The following FHAD1 variants were observed in gnomAD, a reference collection of about 807,000 sequenced individuals.
The protein encoded by FHAD1 is forkhead associated phosphopeptide binding domain 1.
In FHAD1, 146 loss-of-function variants were observed where a neutral mutation model predicts 191.3. That is an observed-to-expected ratio of 0.76 (90% confidence interval 0.67 to 0.88). The LOEUF (loss-of-function observed/expected upper bound fraction) is 0.88, where lower values mean the gene tolerates loss of function less well. FHAD1 is among the 40% of genes least tolerant of loss of function. The pLI is 0.00. For synonymous variants in FHAD1, 616 were observed against 672.3 expected, an observed-to-expected ratio of 0.92 and a Z score of 1.29; for missense variants, 1,635 against 1,785.8, an observed-to-expected ratio of 0.92 and a Z score of 1.52.
intron 18 of FHAD1, among the ~76,000 whole-genome samples, chr1:15,346,556 C>T (rs1248925229): frequency 6.6e-6 from 1 of 152,212 alleles, no homozygotes; most frequent in African/African-American, 2.4e-5. Flanking sequence ...CACTGTTCTC[C>T]AGCCACGGTA....
chr1:15,376,866 T>G (rs929888428), intron 28 of FHAD1, among the ~76,000 whole-genome samples: 1 of 152,028 alleles, frequency 6.6e-6, no homozygotes, highest in African/African-American at 2.4e-5. Flanking sequence ...CGAGACCCCA[T>G]CTCTACAAAA....
At chr1:15,293,666 T>C (rs139517900) in intron 4 of FHAD1, among the ~76,000 whole-genome samples, 2,068 of 152,160 alleles carry the variant, frequency 0.014, 13 homozygotes, top group African/African-American at 0.021. Context: ...TGCAGTGAGC[T>C]GAGATTGTGC....
chr1:15,386,889 GT>G (rs1423375413), intron 31 of FHAD1, among the ~76,000 whole-genome samples: 1 of 146,774 alleles, frequency 6.8e-6, no homozygotes, highest in African/African-American at 2.6e-5. Flanking sequence ...TTGAGACAGA[GT>G]TTCGCTCTGT....
chr1:15,328,257 C>CT lies in FHAD1; in HGVS notation c.1558-15dup. 3 of 1,169,128 alleles carry CT rather than the reference C, an allele frequency of 2.6e-6. No homozygotes were observed. Among genetic ancestry groups the CT allele is most frequent in the Admixed American group, 8.0e-5 (2 of 25,064 alleles). The allele number at this position is 1,169,128 out of a possible 1,614,324, so 72.4% of individuals were successfully genotyped here. On this transcript the variant is annotated intron_variant, in intron 12 of 33. Coordinates refer to ENST00000688493, the MANE Select transcript of FHAD1 (RefSeq NM_001391957.1). The stretch of plus-strand genomic sequence containing the variant: ...ATGTTACATCTTTTTTTTTTTTTTC[C>CT]TTTTTCTTTTTCTCACCAGTTAATA...
chr1:15,310,369 T>C lies in FHAD1; in HGVS notation c.1039+1633T>C, dbSNP rs71631716. 9.5e-3 allele frequency among the ~76,000 whole-genome samples: 1,444 copies of C among 152,332 alleles called. 9 individuals are homozygous for C. The highest frequency in any genetic ancestry group is 0.015 in the African/African-American group (614 of 41,578). On this transcript the variant is annotated intron_variant, in intron 7 of 33. Coordinates refer to ENST00000688493, the MANE Select transcript of FHAD1 (RefSeq NM_001391957.1). The stretch of plus-strand genomic sequence containing the variant: ...TTCCCTAACATGGAATGTTCTTGGA[T>C]ACTTGTGAGCCCTATGGGCAGGGCT...
upstream of FHAD1, among the ~76,000 whole-genome samples, chr1:15,246,685 G>A (rs1397131555): frequency 6.6e-6 from 1 of 152,142 alleles, no homozygotes; most frequent in African/African-American, 2.4e-5. Flanking sequence ...TAACAGGGAG[G>A]AGCAGAGGCA....
At chr1:15,363,368 C>T (rs1695430045) in intron 23 of FHAD1, among the ~76,000 whole-genome samples, 1 of 152,228 alleles carries the variant, frequency 6.6e-6, no homozygotes, top group Admixed American at 6.5e-5. Context: ...CCTCTCAATA[C>T]TGCCACATTG....
At chr1:15,368,148 A>G (rs185942368) in intron 25 of FHAD1, among the ~76,000 whole-genome samples, 1 of 151,680 alleles carries the variant, frequency 6.6e-6, no homozygotes, top group East Asian at 1.9e-4. Flanking sequence ...ATTTTTTTGT[A>G]TTTTTAGTAG....
rs143600158 is a variant in FHAD1, at chr1:15,362,561, T to A, written c.2963-81T>A. On this transcript the variant is annotated intron_variant, in intron 22 of 33. Coordinates refer to ENST00000688493, the MANE Select transcript of FHAD1 (RefSeq NM_001391957.1). The stretch of plus-strand genomic sequence containing the variant: ...TGCAGGTGGAGGCAGGGTTTGTAAG[T>A]TGTGAAAGACACAGGTGTGCTTGTA... 9.9e-4 allele frequency: 1,145 copies of A among 1,157,482 alleles called. 7 individuals carry two copies. In the African/African-American group the frequency reaches 0.016, roughly 16 times the overall value. The allele number at this position is 1,157,482 out of a possible 1,614,324, so 71.7% of individuals were successfully genotyped here.
intron 10 of FHAD1, among the ~76,000 whole-genome samples, chr1:15,323,715 T>A (rs1389032476): frequency 1.3e-5 from 2 of 152,162 alleles, no homozygotes; most frequent in Non-Finnish European, 2.9e-5. Context: ...GGTCCTGTAA[T>A]GGCCAGCAGA....
intron 15 of FHAD1, 30 bp from the exon 16 acceptor site, chr1:15,341,706 C>G: frequency 6.5e-7 from 1 of 1,534,504 alleles, no homozygotes; most frequent in Non-Finnish European, 8.8e-7. Context: ...TGTCCCCCAT[C>G]AGCATCGGTT....
chr1:15,346,872 G>T (rs1213556684), intron 18 of FHAD1, among the ~76,000 whole-genome samples: 2 of 152,218 alleles, frequency 1.3e-5, no homozygotes, highest in African/African-American at 2.4e-5. Flanking sequence ...CAGATCTAGT[G>T]TATAATGGAG....
chr1:15,380,642 A>G, intron 28 of FHAD1, 59 bp from the exon 29 acceptor site: 1 of 1,344,354 alleles, frequency 7.4e-7, no homozygotes, highest in Non-Finnish European at 1.0e-6. Flanking sequence ...TTTAGCTTCC[A>G]GTCATAGAAA....
At chr1:15,317,803 C>T in intron 9 of FHAD1, 21 bp from the exon 10 acceptor site, 1 of 1,538,258 alleles carries the variant, frequency 6.5e-7, no homozygotes, top group Non-Finnish European at 8.8e-7. Context: ...GGGAGGTTCA[C>T]TCTTGTTGAA....
chr1:15,376,289 A>G (rs1699633529), intron 28 of FHAD1, among the ~76,000 whole-genome samples: 1 of 151,742 alleles, frequency 6.6e-6, no homozygotes, highest in African/African-American at 2.4e-5. Context: ...ACAGGGTTTC[A>G]CCTTGTTAGC....
chr1:15,295,061 T>C (rs1316185573), intron 4 of FHAD1, among the ~76,000 whole-genome samples: 3 of 152,206 alleles, frequency 2.0e-5, no homozygotes, highest in Non-Finnish European at 4.4e-5. Context: ...ACTGGTATCC[T>C]ACTTTTTAAA....
Position 15,352,954 on chromosome 1 carries a change from C to T in FHAD1, c.2532C>T (p.Asp844=). 2 of 1,551,156 alleles carry T rather than the reference C, an allele frequency of 1.3e-6. No individual in the cohort carries two copies. The highest frequency in any genetic ancestry group is 1.7e-6 in the Non-Finnish European group (2 of 1,146,882). The part of the protein sequence containing the change: ...AMEKEKKKVQ[D]LENRLTKQKE... ...AGAAGGAAAAGAAAAAGGTGCAAGACCTGGAGAATCGCTTAACCAAGCAGA... is the reference window on the plus strand; with the variant it reads ...AGAAGGAAAAGAAAAAGGTGCAAGATCTGGAGAATCGCTTAACCAAGCAGA... Residue 844 remains aspartate, a synonymous_variant, in exon 20 of 34, where the codon GAC becomes GAT. Transcript: ENST00000688493.
upstream of FHAD1, among the ~76,000 whole-genome samples, chr1:15,245,432 C>CA (rs1474759528): frequency 2.6e-5 from 4 of 151,718 alleles, no homozygotes; most frequent in Non-Finnish European, 5.9e-5. Context: ...TTCATTGTTT[C>CA]AAAAAACCAA....
intron 7 of FHAD1, among the ~76,000 whole-genome samples, chr1:15,309,595 A>G (rs926024607): frequency 1.3e-5 from 2 of 152,052 alleles, no homozygotes; most frequent in African/African-American, 4.8e-5. Flanking sequence ...CGGGCCACAT[A>G]TGGCCCAGGA....
Sources: allele counts gnomAD v4.1 joint callset (sites outside exome capture counted in the v4.1 genomes callset), GRCh38; gene constraint gnomAD v4.1.1; transcripts MANE v1.5; gene names NCBI Gene and HGNC (gene_info 2026-07-23, HGNC 2026-07-21).